The following VAV1 variants were observed in gnomAD, a reference collection of about 807,000 sequenced individuals.
VAV1 encodes vav guanine nucleotide exchange factor 1, also known as proto-oncogene vav.
In VAV1, 33 loss-of-function variants were observed where a neutral mutation model predicts 128.1. The observed-to-expected ratio is 0.26, with a 90% confidence interval of 0.20 to 0.34. The LOEUF (loss-of-function observed/expected upper bound fraction) is 0.34. Among genes scored for constraint, VAV1 ranks in the 10% least tolerant of loss-of-function variants. The probability of loss-of-function intolerance (pLI) is 1.00; values close to 1 mark genes in which losing one functional copy is unlikely to be tolerated. For synonymous variants in VAV1, 394 were observed against 409.8 expected (o/e 0.96, Z 0.47); for missense variants, 715 against 1,093.7 (o/e 0.65, Z 4.88).
chr19:6,798,975 C>T (rs989413738), intron 1 of VAV1, among the ~76,000 whole-genome samples: 1 of 137,426 alleles, frequency 7.3e-6, no homozygotes, highest in African/African-American at 2.6e-5. Context: ...TAGTCACTGT[C>T]GATTAGTTTG....
rs71177121 is a variant in VAV1 at position 6,814,671 on chromosome 19, C to CCTTTCTTTCTTTCTTTCTTTCTTTCTTT, written c.205-5997_205-5970dup. Among the ~76,000 whole-genome samples the CCTTTCTTTCTTTCTTTCTTTCTTTCTTT allele has an allele frequency of 3.4e-3, 88 of 25,798 alleles. 5 individuals are homozygous for CCTTTCTTTCTTTCTTTCTTTCTTTCTTT. Among genetic ancestry groups the CCTTTCTTTCTTTCTTTCTTTCTTTCTTT allele is most frequent in the East Asian group, 0.015 (12 of 782 alleles). The allele number at this position is 25,798 out of a possible 152,430, so 16.9% of individuals were successfully genotyped here. ...TCCTTCCTTCCTTCCTTCCTTCCTT[C>CCTTTCTTTCTTTCTTTCTTTCTTTCTTT]CTTTCTTTCTTTCTTTCTTTCTTTC... On this transcript the variant is annotated intron_variant, in intron 1 of 26. Transcript: ENST00000602142.
At chr19:6,831,871 T>C (rs1972064366) in intron 14 of VAV1, among the ~76,000 whole-genome samples, 1 of 152,148 alleles carries the variant, frequency 6.6e-6, no homozygotes, top group Non-Finnish European at 1.5e-5. Flanking sequence ...TGTGTGTGTG[T>C]GTGTGTGTGC....
chr19:6,837,157 C>T (rs2144801549), intron 21 of VAV1, 107 bp downstream of exon 21: 1 of 1,184,784 alleles, frequency 8.4e-7, no homozygotes, highest in Non-Finnish European at 1.2e-6. Flanking sequence ...GGGGGCTGCC[C>T]ATCATGGCAG....
At chr19:6,789,593 C>CTCCCTTCCTTCCTTCCTTCCT (rs1555698636) in intron 1 of VAV1, among the ~76,000 whole-genome samples, 2 of 149,992 alleles carry the variant, frequency 1.3e-5, no homozygotes, top group African/African-American at 5.0e-5. Flanking sequence ...TTTTCTTTCC[C>CTCCCTTCCTTCCTTCCTTCCT]TCCTTCCTTC....
intron 23 of VAV1, 36 bp from the exon 24 acceptor site, chr19:6,850,634 C>T: frequency 1.2e-6 from 2 of 1,604,296 alleles, no homozygotes; most frequent in Non-Finnish European, 1.7e-6. Context: ...TGGGCCTGGT[C>T]CCCAGACTCA....
chr19:6,775,844 A>C (rs1970607684), intron 1 of VAV1, among the ~76,000 whole-genome samples: 1 of 152,192 alleles, frequency 6.6e-6, no homozygotes, highest in Non-Finnish European at 1.5e-5. Context: ...AGAGGGAAAA[A>C]GGAAAGGTGC....
Position 6,833,271 on chromosome 19 carries a change from T to C in VAV1, c.1596T>C (p.Cys532=). 1 of 1,612,750 alleles carries C rather than the reference T, an allele frequency of 6.2e-7. No homozygotes were observed. Among genetic ancestry groups the C allele is most frequent in the Non-Finnish European group, 8.5e-7 (1 of 1,179,626 alleles). Residue 532 remains cysteine, a synonymous_variant, in exon 16 of 27, where the codon TGT becomes TGC. Coordinates refer to ENST00000602142, the MANE Select transcript of VAV1 (RefSeq NM_005428.4). ...AGGAGACCACATCCTGCAAGGCCTG[T>C]CAGATGCTGCTTAGGTGAGAATCTG... ...SFEETTSCKA[C]QMLLRGTFYQ...
Position 6,828,457 on chromosome 19 carries a change from G to T in VAV1, c.1062G>T (p.Glu354Asp). ...ACACGCAGGAGGCGATGGAGAAGGA[G>T]AACCTGCGGCTGGCCCTGGATGCCA... is the stretch of plus-strand genomic sequence containing the variant. ...VKHTQEAMEKENLRLALDAMR... is the reference protein window; with the variant it reads ...VKHTQEAMEKDNLRLALDAMR... The change falls in exon 11 of 27, where the codon GAG (glutamate) becomes GAT (aspartate). Residue 354 changes from glutamate (E) to aspartate (D), a missense_variant. This residue lies in a region of VAV1 where 302 missense variants were observed against 477.8 expected (regional missense o/e 0.63). Transcript: ENST00000602142. The surrounding 1 kb of genome is among the most constrained non-coding windows in gnomAD (Gnocchi z 4.5). 6.2e-7 allele frequency: 1 copy of T among 1,614,184 alleles called. No homozygotes were observed. Among genetic ancestry groups the T allele is most frequent in the Non-Finnish European group, 8.5e-7 (1 of 1,180,022 alleles).
chr19:6,787,637 C>T (rs1436816191), intron 1 of VAV1, among the ~76,000 whole-genome samples: 13 of 151,354 alleles, frequency 8.6e-5, no homozygotes, highest in Non-Finnish European at 1.9e-4. Context: ...TGCTCTGTCA[C>T]ACAGGCTGGA....
At chr19:6,774,514 A>T (rs372148400) in intron 1 of VAV1, among the ~76,000 whole-genome samples, 5 of 139,940 alleles carry the variant, frequency 3.6e-5, no homozygotes, top group African/African-American at 1.4e-4. Flanking sequence ...AGCTCACTGC[A>T]ACCTTAGCCT....
At position 6,777,893 on chromosome 19, in the gene VAV1, C is replaced by T. The variant is rs990334161; in HGVS notation, c.204+4882C>T. 2.6e-5 allele frequency among the ~76,000 whole-genome samples: 4 copies of T among 152,090 alleles called. No individual in the cohort carries two copies. The highest frequency in any genetic ancestry group is 9.7e-5 in the African/African-American group (4 of 41,406). ...CCAACTCACTGCAGCCTCCACCTCC[C>T]AGGTTCAAGCAATTCTCCTGCAGCA... is the stretch of plus-strand genomic sequence containing the variant. On this transcript the variant is annotated intron_variant, in intron 1 of 26. Coordinates refer to ENST00000602142, the MANE Select transcript of VAV1 (RefSeq NM_005428.4). This position sits in a 1 kb window ranked among gnomAD's most constrained non-coding sequence, Gnocchi z 4.4.
chr19:6,815,022 G>C (rs1971615861), intron 1 of VAV1, among the ~76,000 whole-genome samples: 1 of 151,892 alleles, frequency 6.6e-6, no homozygotes, highest in Non-Finnish European at 1.5e-5. Flanking sequence ...TTCTGTTGCA[G>C]ATTTCTCTTT....
At chr19:6,845,841 C>G (rs1252118247) in intron 22 of VAV1, among the ~76,000 whole-genome samples, 2 of 147,560 alleles carry the variant, frequency 1.4e-5, no homozygotes, top group Non-Finnish European at 3.0e-5. Flanking sequence ...ACATTTATAT[C>G]ATCTTATCAC....
In VAV1 at chr19:6,777,232, A is replaced by C; in HGVS notation, c.204+4221A>C. On this transcript the variant is annotated intron_variant, in intron 1 of 26. Transcript: ENST00000602142. This position sits in a 1 kb window ranked among gnomAD's most constrained non-coding sequence, Gnocchi z 4.4. ...ATTCATCCATCCATTTATCTGTTTA[A>C]CTATCCATCCATCCATCCATCCATC... is the stretch of plus-strand genomic sequence containing the variant. Among the ~76,000 whole-genome samples, 2 of 114,646 alleles carry C rather than the reference A, an allele frequency of 1.7e-5. No homozygotes were observed. The highest frequency in any genetic ancestry group is 3.5e-5 in the African/African-American group (1 of 28,458). 75.2% of individuals were successfully genotyped at this position (114,646 alleles called of 152,430 possible). A position where few individuals can be genotyped will look rare whatever the true frequency, so the allele number is the denominator to read the frequency against.
chr19:6,855,697 A>G (rs920978625), intron 26 of VAV1, among the ~76,000 whole-genome samples: 2 of 151,640 alleles, frequency 1.3e-5, no homozygotes, highest in Non-Finnish European at 2.9e-5. Context: ...TTATCCATCC[A>G]TACACCTACT....
rs766422057 is a variant in VAV1, at chr19:6,854,213, G to A, written c.2484+115G>A. On this transcript the variant is annotated intron_variant, in intron 26 of 26. Coordinates refer to ENST00000602142, the MANE Select transcript of VAV1 (RefSeq NM_005428.4). ...TGCGGCTCCCATGGAGATCTCTCAC[G>A]GTGGGAGGGAAGGAAGGGACACAGG... The A allele has an allele frequency of 2.4e-4, 325 of 1,342,528 alleles. 1 individual carries two copies. The highest frequency in any genetic ancestry group is 1.1e-3 in the Admixed American group (49 of 43,870). The allele number at this position is 1,342,528 out of a possible 1,614,324, so 83.2% of individuals were successfully genotyped here.
At chr19:6,811,098 C>T (rs960911728) in intron 1 of VAV1, among the ~76,000 whole-genome samples, 4 of 152,070 alleles carry the variant, frequency 2.6e-5, no homozygotes, top group South Asian at 2.1e-4. Context: ...TGCAGTGGCA[C>T]GATCTCAGCT....
intron 22 of VAV1, 53 bp downstream of exon 22, chr19:6,843,219 C>T: frequency 6.2e-7 from 1 of 1,605,426 alleles, no homozygotes; most frequent in Admixed American, 1.7e-5. Flanking sequence ...GGTTGGGGTT[C>T]CAGGCTGGGT....
rs1228980847 is a variant in VAV1 at position 6,828,976 on chromosome 19, G to A, written c.1265+76G>A. On this transcript the variant is annotated intron_variant, in intron 13 of 26. Transcript: ENST00000602142. This position sits in a 1 kb window ranked among gnomAD's most constrained non-coding sequence, Gnocchi z 4.5. ...ACCAGGCTCCTAGATGGGCAGGTGGGTGGAGTCAACACAGATCTGGGTGGA... is the reference window on the plus strand; with the variant it reads ...ACCAGGCTCCTAGATGGGCAGGTGGATGGAGTCAACACAGATCTGGGTGGA... 9.0e-6 allele frequency: 14 copies of A among 1,560,014 alleles called. No individual in the cohort carries two copies. The highest frequency in any genetic ancestry group is 1.7e-4 in the Middle Eastern group (1 of 5,964).
Sources: allele counts gnomAD v4.1 joint callset (sites outside exome capture counted in the v4.1 genomes callset), GRCh38; gene constraint gnomAD v4.1.1; regional missense constraint gnomAD v4.1.1; non-coding constraint Gnocchi (gnomAD v3.1); transcripts MANE v1.5; gene names NCBI Gene and HGNC (gene_info 2026-07-23, HGNC 2026-07-21).